The following CTNNA3 variants were observed in gnomAD, a reference collection of about 807,000 sequenced individuals.
CTNNA3 encodes catenin alpha 3.
Under a neutral mutation model 95.7 loss-of-function variants are expected in CTNNA3, and 76 were observed. That is an observed-to-expected ratio of 0.79 (90% CI 0.66 to 0.96). The LOEUF (loss-of-function observed/expected upper bound fraction) is 0.96. Ranked by LOEUF, CTNNA3 falls within the 40% of genes least tolerant of loss-of-function variation. The probability of loss-of-function intolerance (pLI) is 0.00; values close to 1 mark genes in which losing one functional copy is unlikely to be tolerated. For synonymous variants in CTNNA3, 431 were observed against 374.4 expected, an observed-to-expected ratio of 1.15 and a Z score of -1.74; for missense variants, 1,191 against 1,089.8, an observed-to-expected ratio of 1.09 and a Z score of -1.31.
chr10:66,692,741 C>T (rs1404518242), intron 9 of CTNNA3, among the ~76,000 whole-genome samples: 1 of 152,144 alleles, frequency 6.6e-6, no homozygotes, highest in African/African-American at 2.4e-5. Context: ...AAAGAGAAGA[C>T]CATCAGACTA....
At chr10:66,365,378 C>G (rs1368893599) in intron 12 of CTNNA3, among the ~76,000 whole-genome samples, 1 of 152,030 alleles carries the variant, frequency 6.6e-6, no homozygotes, top group Non-Finnish European at 1.5e-5. Flanking sequence ...CACACCAGGA[C>G]CTCTCAGGGG....
chr10:66,040,361 C>T (rs983004333), intron 15 of CTNNA3, among the ~76,000 whole-genome samples: 1 of 152,138 alleles, frequency 6.6e-6, no homozygotes, highest in East Asian at 1.9e-4. Flanking sequence ...TTCAACTCAG[C>T]AATTCCATTA....
At chr10:67,519,670 C>T (rs1311978421) in intron 5 of CTNNA3, among the ~76,000 whole-genome samples, 1 of 152,060 alleles carries the variant, frequency 6.6e-6, no homozygotes, top group African/African-American at 2.4e-5. Context: ...ACAGACGAGG[C>T]CCTGTCCTTT....
intron 5 of CTNNA3, among the ~76,000 whole-genome samples, chr10:67,517,461 C>T (rs1053623500): frequency 1.3e-5 from 2 of 151,770 alleles, no homozygotes; most frequent in Non-Finnish European, 2.9e-5. Context: ...GTATTATGTA[C>T]CCTTCTGGCT....
intron 11 of CTNNA3, among the ~76,000 whole-genome samples, chr10:66,446,805 G>A (rs2093425564): frequency 6.6e-6 from 1 of 152,022 alleles, no homozygotes; most frequent in Non-Finnish European, 1.5e-5. Flanking sequence ...ATTCAACATA[G>A]TGTTGGAAGT....
chr10:66,387,091 C>G (rs892706757), intron 11 of CTNNA3, among the ~76,000 whole-genome samples: 8 of 152,186 alleles, frequency 5.3e-5, no homozygotes, highest in Admixed American at 5.2e-4. Context: ...TCAAAATAGA[C>G]AAATGGGATC....
At chr10:66,256,447 C>T (rs1458989942) in intron 13 of CTNNA3, among the ~76,000 whole-genome samples, 6 of 152,254 alleles carry the variant, frequency 3.9e-5, no homozygotes, top group Non-Finnish European at 5.9e-5. Context: ...GCTTGGGGCG[C>T]GGTGGCTCAT....
At chr10:67,533,183 G>T (rs186570751) in intron 4 of CTNNA3, among the ~76,000 whole-genome samples, 4 of 152,204 alleles carry the variant, frequency 2.6e-5, no homozygotes, top group Admixed American at 6.5e-5. Context: ...AATTAGCCTG[G>T]CATGGTGGTG....
At chr10:67,625,913 G>A (rs759183757) in intron 2 of CTNNA3, among the ~76,000 whole-genome samples, 3 of 152,166 alleles carry the variant, frequency 2.0e-5, no homozygotes, top group Admixed American at 6.5e-5. Context: ...GGTCAGGCAC[G>A]GTGGCTTATG....
At position 67,654,605 on chromosome 10, in the gene CTNNA3, A is replaced by G. The variant is rs532421824; in HGVS notation, c.-5-7087T>C. On this transcript the variant is annotated intron_variant, in intron 1 of 17. Coordinates refer to ENST00000433211, the MANE Select transcript of CTNNA3 (RefSeq NM_013266.4). ...CCAGGCCCAAGCAATCCTCCCACTC[A>G]GCCTCTCAAGTAGCTGGGACCACAG... 3.9e-5 allele frequency among the ~76,000 whole-genome samples: 6 copies of G among 151,916 alleles called. No homozygotes were observed. In the South Asian group the frequency reaches 1.2e-3, roughly 32 times the overall value.
chr10:66,088,258 T>C (rs903592227), intron 14 of CTNNA3, among the ~76,000 whole-genome samples: 10 of 152,106 alleles, frequency 6.6e-5, no homozygotes, highest in African/African-American at 2.4e-4. Context: ...TCTTGTAGGC[T>C]ACATATATAT....
intron 7 of CTNNA3, among the ~76,000 whole-genome samples, chr10:67,163,073 C>T (rs984690680): frequency 7.9e-5 from 12 of 151,868 alleles, no homozygotes; most frequent in Non-Finnish European, 1.6e-4. Context: ...ATATGTAACA[C>T]CTGTTCTACC....
intron 13 of CTNNA3, among the ~76,000 whole-genome samples, chr10:66,126,187 A>G (rs1364976810): frequency 6.6e-6 from 1 of 152,224 alleles, no homozygotes. Context: ...ACCAGTAAGC[A>G]ATATGCTGCA....
intron 7 of CTNNA3, among the ~76,000 whole-genome samples, chr10:67,069,557 GCCCCACCCCACCCCACCCCA>G (rs549930721): frequency 2.2e-4 from 21 of 96,358 alleles, no homozygotes; most frequent in Middle Eastern, 4.8e-3. Context: ...ACAGCAGCCC[GCCCCACCCCACCCCACCCCA>G]CCCCACCCAG....
intron 15 of CTNNA3, among the ~76,000 whole-genome samples, chr10:66,051,511 G>A (rs2079959469): frequency 6.6e-6 from 1 of 152,096 alleles, no homozygotes; most frequent in African/African-American, 2.4e-5. Context: ...TATCTTGTAT[G>A]AAATAATTCA....
chr10:67,059,870 T>G (rs1165196813), intron 7 of CTNNA3, among the ~76,000 whole-genome samples: 2 of 152,214 alleles, frequency 1.3e-5, no homozygotes, highest in African/African-American at 4.8e-5. Context: ...TTAAGTCATT[T>G]TGCAATGAAG....
intron 7 of CTNNA3, among the ~76,000 whole-genome samples, chr10:67,056,643 G>A (rs559317105): frequency 3.9e-5 from 6 of 152,080 alleles, no homozygotes; most frequent in Non-Finnish European, 7.4e-5. Flanking sequence ...ATTAAGTGGC[G>A]ACAGAAAAAT....
Position 67,580,871 on chromosome 10 carries a change from G to A in CTNNA3, c.292+25986C>T, listed in dbSNP as rs572014574. The stretch of plus-strand genomic sequence containing the variant: ...TTGGCTCTCTGTTTGTCTGTTATTG[G>A]TGTATAGGAATGCTTGTGATTTTTG... On this transcript the variant is annotated intron_variant, in intron 3 of 17. Transcript: ENST00000433211. 1.3e-4 allele frequency among the ~76,000 whole-genome samples: 20 copies of A among 151,998 alleles called. No homozygotes were observed. The East Asian group carries it at 3.9e-3, about 29-fold the overall frequency.
At chr10:66,043,188 C>T (rs1224264797) in intron 15 of CTNNA3, among the ~76,000 whole-genome samples, 2 of 133,444 alleles carry the variant, frequency 1.5e-5, no homozygotes, top group Non-Finnish European at 3.2e-5. Flanking sequence ...AGAGTAGTTA[C>T]AAAAAGATAA....
Sources: gnomAD v4.1 joint callset for allele counts (sites outside exome capture counted in the v4.1 genomes callset) on GRCh38, gnomAD v4.1.1 for gene constraint, MANE v1.5 for transcripts, NCBI Gene and HGNC (gene_info 2026-07-23, HGNC 2026-07-21) for gene names.